The following DOCK11 variants were observed in gnomAD, a reference collection of about 807,000 sequenced individuals.
The protein encoded by DOCK11 is dedicator of cytokinesis 11, also known as dedicator of cytokinesis protein 11.
Under a neutral mutation model 169.1 loss-of-function variants are expected in DOCK11, and 70 were observed. That is an observed-to-expected ratio of 0.41 (90% CI 0.34 to 0.51). The LOEUF (loss-of-function observed/expected upper bound fraction) is 0.51. DOCK11 is among the 20% of genes least tolerant of loss of function. DOCK11 has a pLI of 0.10. For missense variants in DOCK11, 1,166 were observed against 1,538.8 expected (o/e 0.76, Z 4.05); for synonymous variants, 529 against 541.3 (o/e 0.98, Z 0.32).
chrX:118,590,337 A>C lies in DOCK11; in HGVS notation c.2139+35A>C, dbSNP rs1330684465. 3.8e-6 allele frequency: 4 copies of C among 1,044,462 alleles called. No homozygotes were observed. The Admixed American group carries it at 9.5e-5, about 25-fold the overall frequency. The allele number at this position is 1,044,462 out of a possible 1,213,427, so 86.1% of individuals were successfully genotyped here. On this transcript the variant is annotated intron_variant, in intron 19 of 52. Coordinates refer to ENST00000276202, the MANE Select transcript of DOCK11 (RefSeq NM_144658.4). ...TATTATCCTGACATTTCTAAAACACAGTGGTTGGAATTCTTTTTCTCTTTG... is the reference window on the plus strand; with the variant it reads ...TATTATCCTGACATTTCTAAAACACCGTGGTTGGAATTCTTTTTCTCTTTG...
chrX:118,624,753 ACTTT>A, intron 32 of DOCK11, 98 bp downstream of exon 32: 1 of 309,198 alleles, frequency 3.2e-6, no homozygotes, highest in Non-Finnish European at 5.2e-6. Context: ...TTAAGAGTTC[ACTTT>A]TTTTTTTTTT....
intron 3 of DOCK11, 81 bp from the exon 4 acceptor site, chrX:118,543,430 G>A (rs926352505): frequency 1.5e-5 from 12 of 794,792 alleles, no homozygotes; most frequent in Admixed American, 5.1e-5. Flanking sequence ...AAAGCCTGTC[G>A]GCATAGTACC....
intron 46 of DOCK11, among the ~76,000 whole-genome samples, chrX:118,674,545 G>T (rs1341422543): frequency 8.9e-6 from 1 of 112,268 alleles, no homozygotes; most frequent in Non-Finnish European, 1.9e-5. Context: ...TGGATATACT[G>T]CAGATTGTTT....
intron 42 of DOCK11, among the ~76,000 whole-genome samples, chrX:118,652,357 G>A (rs933757609): frequency 5.5e-5 from 6 of 109,127 alleles, no homozygotes; most frequent in African/African-American, 2.0e-4. Flanking sequence ...TTTTTTTTCT[G>A]GGCTTCATTT....
chrX:118,521,292 G>A (rs983072616), intron 1 of DOCK11, among the ~76,000 whole-genome samples: 1 of 112,197 alleles, frequency 8.9e-6, no homozygotes, highest in African/African-American at 3.2e-5. Flanking sequence ...AAATAGGAGT[G>A]ATGGTGATAA....
chrX:118,589,808 C>G (rs1334986660), intron 18 of DOCK11, among the ~76,000 whole-genome samples: 1 of 112,566 alleles, frequency 8.9e-6, no homozygotes, highest in Non-Finnish European at 1.9e-5. Flanking sequence ...GCCCACTGCA[C>G]AAAGAGCGTT....
intron 1 of DOCK11, among the ~76,000 whole-genome samples, chrX:118,501,948 GT>G (rs2057578820): frequency 8.9e-6 from 1 of 111,873 alleles, no homozygotes; most frequent in East Asian, 2.8e-4. Flanking sequence ...AAGTTGAACA[GT>G]TTTTCATGTT....
At chrX:118,561,667 A>C (rs1205766371) in intron 7 of DOCK11, 150 bp downstream of exon 7, 2 of 517,165 alleles carry the variant, frequency 3.9e-6, no homozygotes, top group East Asian at 8.6e-5. Flanking sequence ...CTAGGAGTAC[A>C]TCAGCCTGGG....
intron 39 of DOCK11, among the ~76,000 whole-genome samples, chrX:118,643,081 T>A (rs748887529): frequency 8.9e-6 from 1 of 111,811 alleles, no homozygotes; most frequent in East Asian, 2.8e-4. Context: ...ATTCATACAT[T>A]ACAATATTTA....
At chrX:118,654,160 G>A (rs1284170853) in intron 42 of DOCK11, among the ~76,000 whole-genome samples, 1 of 112,587 alleles carries the variant, frequency 8.9e-6, no homozygotes, top group East Asian at 2.8e-4. Context: ...CTTTGGTCGA[G>A]CATTTAAACA....
intron 1 of DOCK11, among the ~76,000 whole-genome samples, chrX:118,532,086 C>T (rs1390424822): frequency 9.3e-6 from 1 of 107,310 alleles, no homozygotes; most frequent in Non-Finnish European, 1.9e-5. Context: ...TAGGGGCAGG[C>T]TTTTTTGTTT....
intron 37 of DOCK11, 69 bp downstream of exon 37, chrX:118,638,196 C>T: frequency 6.9e-6 from 7 of 1,009,753 alleles, no homozygotes; most frequent in Non-Finnish European, 9.7e-6. Context: ...TTAGTCATGC[C>T]ATGTAAAACC....
At chrX:118,571,021 C>G (rs2013255076) in intron 10 of DOCK11, among the ~76,000 whole-genome samples, 1 of 111,780 alleles carries the variant, frequency 8.9e-6, no homozygotes, top group Non-Finnish European at 1.9e-5. Flanking sequence ...GGTCCATTGC[C>G]CAGCTCTGTT....
At chrX:118,605,870 A>G (rs1416439021) in intron 24 of DOCK11, among the ~76,000 whole-genome samples, 1 of 111,578 alleles carries the variant, frequency 9.0e-6, no homozygotes, top group Non-Finnish European at 1.9e-5. Context: ...AAAGTGGGGT[A>G]TTGAAGTCCT....
At chrX:118,670,833 TG>T (rs959133189) in intron 45 of DOCK11, among the ~76,000 whole-genome samples, 189 bp from the exon 46 acceptor site, 3 of 112,524 alleles carry the variant, frequency 2.7e-5, no homozygotes, top group African/African-American at 9.7e-5. Context: ...TTTTTAAGAA[TG>T]TTTTTAACTT....
At chrX:118,657,963 AT>A (rs1462004632) in intron 44 of DOCK11, among the ~76,000 whole-genome samples, 1 of 109,548 alleles carries the variant, frequency 9.1e-6, no homozygotes, top group East Asian at 2.8e-4. Flanking sequence ...CTCCAAAACT[AT>A]TTTTTTTAAA....
intron 1 of DOCK11, among the ~76,000 whole-genome samples, chrX:118,521,361 T>A (rs981596827): frequency 8.9e-6 from 1 of 112,480 alleles, no homozygotes; most frequent in African/African-American, 3.2e-5. Context: ...GGTCAACCCT[T>A]TGCATAGGCT....
intron 6 of DOCK11, among the ~76,000 whole-genome samples, chrX:118,551,317 T>A (rs2012485125): frequency 8.9e-6 from 1 of 112,409 alleles, no homozygotes; most frequent in Non-Finnish European, 1.9e-5. Context: ...CCTCTGGAAT[T>A]GCTAGGGAAT....
chrX:118,650,444 G>T (rs2015919749), intron 41 of DOCK11, among the ~76,000 whole-genome samples: 1 of 111,624 alleles, frequency 9.0e-6, no homozygotes, highest in Admixed American at 9.6e-5. Context: ...TTACTGTCAT[G>T]GTCTGTCCCA....
Sources: allele counts gnomAD v4.1 joint callset (sites outside exome capture counted in the v4.1 genomes callset), GRCh38; gene constraint gnomAD v4.1.1; transcripts MANE v1.5; gene names NCBI Gene and HGNC (gene_info 2026-07-23, HGNC 2026-07-21).